Variants in HPN observed in about 807,000 individuals in gnomAD.
HPN encodes serine protease hepsin.
In HPN, 13 loss-of-function variants were observed where a neutral mutation model predicts 55.9. The observed-to-expected ratio is 0.23, with a 90% CI of 0.15 to 0.37. The LOEUF is 0.37. Ranked by LOEUF, HPN falls within the 10% of genes least tolerant of loss-of-function variation. The pLI, the probability that HPN is intolerant of heterozygous loss-of-function variation, is 1.00. For missense variants in HPN, 451 were observed against 575.8 expected (o/e 0.78, Z 2.22); for synonymous variants, 225 against 240.3 (o/e 0.94, Z 0.59).
Position 35,042,456 on chromosome 19 carries a change from C to G in HPN, c.-51C>G. 1 of 1,584,232 alleles carries G rather than the reference C, an allele frequency of 6.3e-7. No individual in the cohort carries two copies. Among genetic ancestry groups the G allele is most frequent in the Middle Eastern group, 1.7e-4 (1 of 6,014 alleles). ...CTCCCCGTCCATCTCCTCACAGGTC[C>G]CACCCTGGCCCAGGAGGTCAGCCAG... On this transcript the variant is annotated 5_prime_UTR_variant, in exon 2 of 13. Transcript: ENST00000672452.
chr19:35,051,772 C>G (rs2064408258), intron 4 of HPN, among the ~76,000 whole-genome samples: 1 of 152,100 alleles, frequency 6.6e-6, no homozygotes, highest in Admixed American at 6.5e-5. Context: ...ACCCAGCAGG[C>G]CTATGAAGTT....
chr19:35,053,700 G>A (rs534703184), intron 4 of HPN, among the ~76,000 whole-genome samples: 4 of 152,160 alleles, frequency 2.6e-5, no homozygotes, highest in African/African-American at 9.6e-5. Context: ...AGCTGAGATC[G>A]TGCCACTGCA....
intron 4 of HPN, among the ~76,000 whole-genome samples, chr19:35,055,434 A>G (rs1349007160): frequency 1.3e-5 from 2 of 150,702 alleles, no homozygotes; most frequent in Non-Finnish European, 2.9e-5. Flanking sequence ...GAAGGAAAGG[A>G]AAGGACAAAG....
intron 4 of HPN, among the ~76,000 whole-genome samples, chr19:35,058,481 G>A: frequency 6.9e-6 from 1 of 144,898 alleles, no homozygotes; most frequent in Middle Eastern, 3.6e-3. Context: ...TCTGGAAGGA[G>A]AGTTAATCTG....
chr19:35,063,708 A>G (rs2064564353), intron 9 of HPN, among the ~76,000 whole-genome samples: 1 of 152,178 alleles, frequency 6.6e-6, no homozygotes, highest in African/African-American at 2.4e-5. Context: ...GAGAGTTAAT[A>G]TTGAAGTAAG....
At chr19:35,040,765 G>A (rs1293709766), upstream of HPN, among the ~76,000 whole-genome samples, 3 of 152,142 alleles carry the variant, frequency 2.0e-5, no homozygotes, top group African/African-American at 7.2e-5. Flanking sequence ...AAGGAGAGAC[G>A]GGTATGGATG....
intron 4 of HPN, among the ~76,000 whole-genome samples, chr19:35,049,987 C>T (rs754472068): frequency 7.9e-5 from 12 of 151,798 alleles, no homozygotes; most frequent in Non-Finnish European, 1.5e-4. Flanking sequence ...CAGCAGTTTG[C>T]CCCAGACTAC....
In HPN at chr19:35,048,028, A is replaced by AAAAGAAAGAAAG. The variant is rs1555722914; in HGVS notation, c.17-1218_17-1207dup. On this transcript the variant is annotated intron_variant, in intron 2 of 12. Coordinates refer to ENST00000672452, the MANE Select transcript of HPN (RefSeq NM_001384133.1). Reference sequence around the variant, plus strand: ...AGAAAAAGAAAGAGAGAGAGAGAGAAAAAGAAAGAAAGAAAGAAAGAAAGA... The same window carrying AAAAGAAAGAAAG: ...AGAAAAAGAAAGAGAGAGAGAGAGAAAAAGAAAGAAAGAAAGAAAGAAAGAAAGAAAGAAAGA... 3.2e-3 allele frequency among the ~76,000 whole-genome samples: 283 copies of AAAAGAAAGAAAG among 87,434 alleles called. 4 individuals carry two copies. The highest frequency in any genetic ancestry group is 0.01 in the South Asian group (26 of 2,578). 57.4% of individuals were successfully genotyped at this position (87,434 alleles called of 152,430 possible). A position where few individuals can be genotyped will look rare whatever the true frequency, so the allele number is the denominator to read the frequency against.
intron 9 of HPN, among the ~76,000 whole-genome samples, chr19:35,064,650 A>G (rs576074368): frequency 8.3e-4 from 127 of 152,180 alleles, no homozygotes; most frequent in African/African-American, 2.9e-3. Flanking sequence ...GTTAAAACAT[A>G]CATGTTATGA....
In HPN at chr19:35,059,722, A is replaced by AGGG. The variant is rs747362521; in HGVS notation, c.211_213dup (p.Gly71dup). Reference sequence around the variant, plus strand: ...GGCTCATGGTCTTTGACAAGACGGAAGGGACGTGGCGGCTGCTGTGCTCCT... The same window carrying AGGG: ...GGCTCATGGTCTTTGACAAGACGGAAGGGGGGACGTGGCGGCTGCTGTGCTCCT... On this transcript the variant is annotated inframe_insertion, in exon 5 of 13. Coordinates refer to ENST00000672452, the MANE Select transcript of HPN (RefSeq NM_001384133.1). 6 of 1,599,946 alleles carry AGGG rather than the reference A, an allele frequency of 3.8e-6. No individual in the cohort carries two copies. In the South Asian group the frequency reaches 6.8e-5, roughly 18 times the overall value.
At position 35,049,467 on chromosome 19, in the gene HPN, C is replaced by G. The variant is rs770294404; in HGVS notation, c.119-8C>G. On this transcript the variant is annotated splice_polypyrimidine_tract_variant and splice_region_variant and intron_variant, in intron 3 of 12. Transcript: ENST00000672452. ...GCCTGCCTGCCCTCACCCCTCCCTT[C>G]TCTGCAGTGGCTGTTCTCCTCAGGA... The G allele has an allele frequency of 6.2e-7, 1 of 1,612,426 alleles. No individual in the cohort carries two copies. Among genetic ancestry groups the G allele is most frequent in the Non-Finnish European group, 8.5e-7 (1 of 1,179,204 alleles).
rs372830448 is a variant in HPN, at chr19:35,062,753, C to T, written c.811+1936C>T. On this transcript the variant is annotated intron_variant, in intron 9 of 12. Coordinates refer to ENST00000672452, the MANE Select transcript of HPN (RefSeq NM_001384133.1). ...AAAATTAGCTGGCTGTGGTGGTGCG[C>T]GCCTGTGGTCCCAGCTACTTGGGAG... 1.6e-4 allele frequency among the ~76,000 whole-genome samples: 25 copies of T among 152,142 alleles called. No individual in the cohort carries two copies. The East Asian group carries it at 2.5e-3, about 15-fold the overall frequency.
chr19:35,050,597 G>T, intron 4 of HPN: 1 of 1,114,606 alleles, frequency 9.0e-7, no homozygotes, highest in South Asian at 1.4e-5. Flanking sequence ...TGGGATGAAT[G>T]AATGAATCTT....
chr19:35,062,278 C>T (rs897391591), intron 9 of HPN, among the ~76,000 whole-genome samples: 14 of 152,102 alleles, frequency 9.2e-5, no homozygotes, highest in Non-Finnish European at 8.8e-5. Context: ...GATTCTAAGT[C>T]GATCATGATC....
At chr19:35,051,591 C>T (rs922439772) in intron 4 of HPN, among the ~76,000 whole-genome samples, 1 of 152,038 alleles carries the variant, frequency 6.6e-6, no homozygotes, top group Non-Finnish European at 1.5e-5. Context: ...GTGACTTGCC[C>T]CAGGTCATGG....
chr19:35,048,075 A>G (rs1198590045), intron 2 of HPN, among the ~76,000 whole-genome samples: 4,656 of 56,626 alleles, frequency 0.082, 360 homozygotes, highest in African/African-American at 0.27. Context: ...AAAGAAAGAA[A>G]GAAAGAAAAG....
intron 10 of HPN, 93 bp downstream of exon 10, chr19:35,065,438 C>T: frequency 6.4e-7 from 1 of 1,565,600 alleles, no homozygotes; most frequent in Non-Finnish European, 8.7e-7. Context: ...GAGTCTTGAC[C>T]ATGAGGAGTA....
At chr19:35,044,057 C>T (rs1245450339) in intron 2 of HPN, among the ~76,000 whole-genome samples, 3 of 152,174 alleles carry the variant, frequency 2.0e-5, no homozygotes, top group Non-Finnish European at 2.9e-5. Context: ...TGGTGGCTGC[C>T]GGACTTTGGG....
In HPN at chr19:35,059,355, G is replaced by A. The variant is rs1344142100; in HGVS notation, c.161-318G>A. Reference sequence around the variant, plus strand: ...AAATTAGTCAGGTGTGGTGGTGCACGCCTGTGGTCCTAGCTACTCAGGAGG... The same window carrying A: ...AAATTAGTCAGGTGTGGTGGTGCACACCTGTGGTCCTAGCTACTCAGGAGG... On this transcript the variant is annotated intron_variant, in intron 4 of 12. Transcript: ENST00000672452. The A allele has an allele frequency of 3.8e-5, 18 of 474,952 alleles. No individual in the cohort carries two copies. In the East Asian group the frequency reaches 3.8e-4, roughly 10 times the overall value. 29.4% of individuals were successfully genotyped at this position (474,952 alleles called of 1,614,324 possible). A position where few individuals can be genotyped will look rare whatever the true frequency, so the allele number is the denominator to read the frequency against.
Sources: allele counts gnomAD v4.1 joint callset (sites outside exome capture counted in the v4.1 genomes callset), GRCh38; gene constraint gnomAD v4.1.1; transcripts MANE v1.5; gene names NCBI Gene and HGNC (gene_info 2026-07-23, HGNC 2026-07-21).